The following PTPN13 variants were observed in gnomAD, a reference collection of about 807,000 sequenced individuals.
PTPN13 encodes the protein protein tyrosine phosphatase non-receptor type 13.
A neutral mutation model predicts 284.0 loss-of-function variants in PTPN13; 191 were observed. The ratio of observed to expected loss-of-function variants is 0.67; its 90% CI spans 0.60 to 0.76. The LOEUF is 0.76. PTPN13 is among the 30% of genes least tolerant of loss of function. The probability of loss-of-function intolerance (pLI) is 0.00; values close to 1 mark genes in which losing one functional copy is unlikely to be tolerated. For synonymous variants in PTPN13, 986 were observed against 1,022.3 expected (o/e 0.96, Z 0.68); for missense variants, 2,797 against 2,939.9 (o/e 0.95, Z 1.12).
rs142089788 is a variant in PTPN13, at chr4:86,693,733, CA to C, written c.634+63del. The C allele has an allele frequency of 1.6e-4, 187 of 1,191,872 alleles. No homozygotes were observed. In the African/African-American group the frequency reaches 2.8e-3, roughly 18 times the overall value. 73.8% of individuals were successfully genotyped at this position (1,191,872 alleles called of 1,614,324 possible). A position where few individuals can be genotyped will look rare whatever the true frequency, so the allele number is the denominator to read the frequency against. Reference sequence around the variant, plus strand: ...TAACCTTATCCCATTGTTTTCTTTACAAAATTATACTTACCTGGCTTTGAAA... The same window carrying C: ...TAACCTTATCCCATTGTTTTCTTTACAAATTATACTTACCTGGCTTTGAAA... On this transcript the variant is annotated intron_variant, in intron 6 of 47. Transcript: ENST00000411767.
At chr4:86,640,176 G>A (rs1723618742) in intron 2 of PTPN13, among the ~76,000 whole-genome samples, 1 of 152,146 alleles carries the variant, frequency 6.6e-6, no homozygotes, top group Admixed American at 6.6e-5. Flanking sequence ...TAACCTTTAT[G>A]TTTGATGATC....
chr4:86,695,505 C>T (rs772848882), intron 6 of PTPN13, among the ~76,000 whole-genome samples: 1 of 151,096 alleles, frequency 6.6e-6, no homozygotes. Flanking sequence ...ATTTTAGAAT[C>T]GAATAATAAC....
chr4:86,698,619 G>A (rs1730812654), intron 6 of PTPN13, among the ~76,000 whole-genome samples: 1 of 152,252 alleles, frequency 6.6e-6, no homozygotes, highest in South Asian at 2.1e-4. Flanking sequence ...ACAGGTAGGA[G>A]GAAAGCAGGT....
In PTPN13 at chr4:86,725,778, C is replaced by T. The variant is rs896866969; in HGVS notation, c.1608+3344C>T. On this transcript the variant is annotated intron_variant, in intron 10 of 47. Coordinates refer to ENST00000411767, the MANE Select transcript of PTPN13 (RefSeq NM_080683.3). ...TCCCATTCTGTAGGTTGCCTGTTCA[C>T]GCTGATGGTAGTTTCTTTTGCCATA... is the stretch of plus-strand genomic sequence containing the variant. Among the ~76,000 whole-genome samples the T allele has an allele frequency of 2.0e-5, 3 of 149,514 alleles. 1 individual carries two copies. Among genetic ancestry groups the T allele is most frequent in the Non-Finnish European group, 4.5e-5 (3 of 66,640 alleles).
chr4:86,734,839 G>A lies in PTPN13; in HGVS notation c.2115G>A (p.Leu705=). Residue 705 remains leucine, a synonymous_variant, in exon 14 of 48, where the codon TTG becomes TTA. Transcript: ENST00000411767. ...DDETSLLLAS[L]ALQAEYGDYQ... Reference sequence around the variant, plus strand: ...AGACTTCCTTATTGCTGGCATCCTTGGCTCTCCAGGCTGAGTATGGAGATT... The same window carrying A: ...AGACTTCCTTATTGCTGGCATCCTTAGCTCTCCAGGCTGAGTATGGAGATT... 3 of 1,613,356 alleles carry A rather than the reference G, an allele frequency of 1.9e-6. No homozygotes were observed. Among genetic ancestry groups the A allele is most frequent in the Non-Finnish European group, 1.7e-6 (2 of 1,179,466 alleles).
intron 28 of PTPN13, among the ~76,000 whole-genome samples, chr4:86,768,853 G>A (rs1192112478): frequency 2.0e-5 from 3 of 151,698 alleles, no homozygotes; most frequent in South Asian, 2.1e-4. Flanking sequence ...GAGATTATAG[G>A]CACACACTGC....
At chr4:86,682,954 T>C (rs1729058150) in intron 3 of PTPN13, among the ~76,000 whole-genome samples, 1 of 152,240 alleles carries the variant, frequency 6.6e-6, no homozygotes, top group South Asian at 2.1e-4. Context: ...CTGACATACC[T>C]GGAGTTGTCT....
chr4:86,672,252 C>G lies in PTPN13; in HGVS notation c.116-113C>G. 3 of 841,120 alleles carry G rather than the reference C, an allele frequency of 3.6e-6. No individual in the cohort carries two copies. The South Asian group carries it at 6.4e-5, about 18-fold the overall frequency. 52.1% of individuals were successfully genotyped at this position (841,120 alleles called of 1,614,324 possible). A position where few individuals can be genotyped will look rare whatever the true frequency, so the allele number is the denominator to read the frequency against. On this transcript the variant is annotated intron_variant, in intron 2 of 47. Coordinates refer to ENST00000411767, the MANE Select transcript of PTPN13 (RefSeq NM_080683.3). The stretch of plus-strand genomic sequence containing the variant: ...GTATATGTTAACTACTTATTAACAT[C>G]TATACAAATAGGCTGCATTATCCAT...
chr4:86,735,172 A>G (rs1401109346), intron 14 of PTPN13, among the ~76,000 whole-genome samples: 1 of 152,190 alleles, frequency 6.6e-6, no homozygotes, highest in African/African-American at 2.4e-5. Flanking sequence ...TTAGTCAAAT[A>G]TAAATTAAAA....
At chr4:86,758,424 C>T (rs1738256495) in intron 21 of PTPN13, 75 bp downstream of exon 21, 2 of 1,233,688 alleles carry the variant, frequency 1.6e-6, no homozygotes, top group Non-Finnish European at 2.3e-6. Context: ...ATAGCATTGG[C>T]ATTGCAGTGC....
Position 86,774,516 on chromosome 4 carries a change from G to T in PTPN13, c.5493G>T (p.Gly1831=). 1 of 1,600,000 alleles carries T rather than the reference G, an allele frequency of 6.3e-7. No homozygotes were observed. Residue 1831 remains glycine (G), a synonymous_variant, in exon 33 of 48, where the codon GGG becomes GGT. Coordinates refer to ENST00000411767, the MANE Select transcript of PTPN13 (RefSeq NM_080683.3). ...PAKSDGRLKP[G]DRLIKVNDTD... is the part of the protein sequence containing the mutation. ...AAAGTGATGGAAGGCTAAAACCTGG[G>T]GACCGGCTCATAAAGGTGAGACATT... is the stretch of plus-strand genomic sequence containing the variant.
At chr4:86,726,154 C>T (rs1472977453) in intron 10 of PTPN13, among the ~76,000 whole-genome samples, 1 of 149,298 alleles carries the variant, frequency 6.7e-6, no homozygotes, top group African/African-American at 2.4e-5. Context: ...TTTCTGAGGC[C>T]TCTGTTCTGT....
Position 86,732,400 on chromosome 4 carries a change from A to G in PTPN13, c.1609A>G (p.Asn537Asp). Reference protein sequence around the residue: ...ETAMTQRKLRNFFGPEFVKMT... With the variant: ...ETAMTQRKLRDFFGPEFVKMT... ...TTGATTCTGCTTATGTGATTTGCAG[A>G]ATTTCTTTGGCCCTGAGTTTGTGAA... Residue 537 changes from asparagine to aspartate, a missense_variant and splice_region_variant, in exon 11 of 48, where the codon AAT (asparagine) becomes GAT (aspartate). Asn to Asp is a conservative substitution (Grantham distance 23, BLOSUM62 1). Coordinates refer to ENST00000411767, the MANE Select transcript of PTPN13 (RefSeq NM_080683.3). 1 of 1,587,280 alleles carries G rather than the reference A, an allele frequency of 6.3e-7. No individual in the cohort carries two copies. Among genetic ancestry groups the G allele is most frequent in the Non-Finnish European group, 8.6e-7 (1 of 1,165,488 alleles).
intron 47 of PTPN13, among the ~76,000 whole-genome samples, chr4:86,814,188 G>A (rs1170697882): frequency 6.6e-6 from 1 of 151,070 alleles, no homozygotes; most frequent in Non-Finnish European, 1.5e-5. Flanking sequence ...TGTATTTTTA[G>A]TAGAGACAGA....
At chr4:86,595,633 A>T (rs1763616761) in intron 1 of PTPN13, 1 of 438,214 alleles carries the variant, frequency 2.3e-6, no homozygotes. Context: ...TGTCATTTTC[A>T]TTTAATTGCA....
rs578113005 is a variant in PTPN13 at position 86,770,125 on chromosome 4, A to G, written c.4729A>G (p.Thr1577Ala). 4.0e-5 allele frequency: 65 copies of G among 1,613,644 alleles called. No individual in the cohort carries two copies. The highest frequency in any genetic ancestry group is 8.3e-5 in the Admixed American group (5 of 59,978). Residue 1577 changes from threonine to alanine, a missense_variant, in exon 30 of 48, where the codon ACT becomes GCT. Transcript: ENST00000411767. ...QQEVISALRG[T>A]APEVFLLLCR... is the part of the protein sequence containing the mutation. ...GGAAGTCATATCTGCTCTCAGGGGA[A>G]CTGCTCCAGAAGTATTCTTGCTTCT...
At chr4:86,631,873 A>G (rs1287646822) in intron 1 of PTPN13, among the ~76,000 whole-genome samples, 1 of 152,120 alleles carries the variant, frequency 6.6e-6, no homozygotes, top group African/African-American at 2.4e-5. Context: ...TTATTTTTAA[A>G]AAGTAAGGAA....
rs1250265676 is a variant in PTPN13, at chr4:86,726,534, C to T, written c.1608+4100C>T. ...TTCTGCTTGAAGAGGTCCTTTATATCCCTTGTAAGTTGAATTCCTAGGTAT... is the reference window on the plus strand; with the variant it reads ...TTCTGCTTGAAGAGGTCCTTTATATTCCTTGTAAGTTGAATTCCTAGGTAT... On this transcript the variant is annotated intron_variant, in intron 10 of 47. Coordinates refer to ENST00000411767, the MANE Select transcript of PTPN13 (RefSeq NM_080683.3). Among the ~76,000 whole-genome samples the T allele has an allele frequency of 1.3e-5, 2 of 148,766 alleles. 1 individual carries two copies. The highest frequency in any genetic ancestry group is 4.9e-5 in the African/African-American group (2 of 40,786).
At chr4:86,791,758 G>C (rs968699488) in intron 40 of PTPN13, among the ~76,000 whole-genome samples, 5 of 152,188 alleles carry the variant, frequency 3.3e-5, no homozygotes, top group Non-Finnish European at 7.3e-5. Context: ...CAGACCTGCA[G>C]CTGAGGGGCC....
Sources: allele counts gnomAD v4.1 joint callset (sites outside exome capture counted in the v4.1 genomes callset), GRCh38; gene constraint gnomAD v4.1.1; transcripts MANE v1.5; gene names NCBI Gene and HGNC (gene_info 2026-07-23, HGNC 2026-07-21).